The following PRR16 variants were observed in gnomAD, a reference collection of about 807,000 sequenced individuals.
PRR16 encodes the protein protein Largen.
A neutral mutation model predicts 18.2 loss-of-function variants in PRR16; 6 were observed. The ratio of observed to expected loss-of-function variants is 0.33; its 90% CI spans 0.18 to 0.65. The LOEUF is 0.65. Among genes scored for constraint, PRR16 ranks in the 30% least tolerant of loss-of-function variants. PRR16 has a pLI of 0.74. For synonymous variants in PRR16, 151 were observed against 147.8 expected (o/e 1.02, Z -0.16); for missense variants, 412 against 376.6 (o/e 1.09, Z -0.78).
At chr5:120,735,953 G>T in the PRR16 span, among the ~76,000 whole-genome samples, 1 of 152,064 alleles carries the variant, frequency 6.6e-6, no homozygotes, top group African/African-American at 2.4e-5. Flanking sequence ...CCAGTTTTAG[G>T]CCTTATATAT....
chr5:120,603,003 A>C (rs1005456286), intron 1 of PRR16, among the ~76,000 whole-genome samples: 6 of 152,060 alleles, frequency 3.9e-5, no homozygotes, highest in African/African-American at 1.4e-4. Context: ...TATGTTCATT[A>C]GGAATATTGG....
At chr5:120,517,087 A>T (rs1233860357) in intron 1 of PRR16, among the ~76,000 whole-genome samples, 1 of 152,192 alleles carries the variant, frequency 6.6e-6, no homozygotes, top group East Asian at 1.9e-4. Context: ...GCTAGCAAAA[A>T]AATCTTTGGC....
the PRR16 span, among the ~76,000 whole-genome samples, chr5:120,701,859 A>G: frequency 1.3e-5 from 2 of 152,166 alleles, no homozygotes; most frequent in Non-Finnish European, 2.9e-5. Context: ...ATTTCATGAC[A>G]AGAATTATTT....
At chr5:120,617,602 A>G (rs1754557581) in intron 1 of PRR16, among the ~76,000 whole-genome samples, 2 of 152,280 alleles carry the variant, frequency 1.3e-5, no homozygotes, top group South Asian at 2.1e-4. Context: ...CACACTTTTT[A>G]TTAACAAAAT....
chr5:120,535,099 G>GTGTGT (rs773403875), intron 1 of PRR16, among the ~76,000 whole-genome samples: 6,774 of 151,928 alleles, frequency 0.045, 198 homozygotes, highest in Non-Finnish European at 0.066. Flanking sequence ...GTGTGTGTGT[G>GTGTGT]TGTGTAAAAG....
chr5:120,467,990 G>A (rs186583669), intron 1 of PRR16, among the ~76,000 whole-genome samples: 2 of 152,080 alleles, frequency 1.3e-5, no homozygotes, highest in Non-Finnish European at 2.9e-5. Flanking sequence ...AGCTCCAAAG[G>A]TTAGTTAGGG....
chr5:120,569,523 A>T (rs1752839138), intron 1 of PRR16, among the ~76,000 whole-genome samples: 1 of 152,166 alleles, frequency 6.6e-6, no homozygotes, highest in Non-Finnish European at 1.5e-5. Context: ...CTTGGAAGAG[A>T]TAATGAAATA....
At chr5:120,551,137 G>A (rs1752242311) in intron 1 of PRR16, among the ~76,000 whole-genome samples, 14 of 151,870 alleles carry the variant, frequency 9.2e-5, no homozygotes, top group Admixed American at 7.9e-4. Flanking sequence ...GTGCATTAGG[G>A]TTCCAGAACT....
intron 1 of PRR16, among the ~76,000 whole-genome samples, chr5:120,513,740 A>G (rs1750901149): frequency 6.6e-6 from 1 of 151,608 alleles, no homozygotes; most frequent in Non-Finnish European, 1.5e-5. Context: ...AGACTTAAGA[A>G]CATAGAGATC....
chr5:120,592,853 A>G (rs1258779463), intron 1 of PRR16, among the ~76,000 whole-genome samples: 1 of 152,148 alleles, frequency 6.6e-6, no homozygotes, highest in African/African-American at 2.4e-5. Flanking sequence ...CTAAAAATAT[A>G]TTACTCTTTT....
At chr5:120,790,866 T>C in the PRR16 span, 1 of 152,026 alleles carries the variant, frequency 6.6e-6, no homozygotes, top group Admixed American at 6.6e-5. Context: ...AAATCAGTTA[T>C]CTAATAAAAA....
the PRR16 span, among the ~76,000 whole-genome samples, chr5:120,733,932 T>A: frequency 6.6e-6 from 1 of 152,226 alleles, no homozygotes; most frequent in East Asian, 1.9e-4. Context: ...AAGTTACATT[T>A]ATTTTATTTC....
intron 1 of PRR16, among the ~76,000 whole-genome samples, chr5:120,613,998 C>A (rs1007157363): frequency 6.6e-6 from 1 of 152,140 alleles, no homozygotes; most frequent in African/African-American, 2.4e-5. Flanking sequence ...TTGAACAGAG[C>A]TTTCCTTAGT....
chr5:120,577,450 C>T (rs985652673), intron 1 of PRR16, among the ~76,000 whole-genome samples: 5 of 151,282 alleles, frequency 3.3e-5, no homozygotes, highest in African/African-American at 1.2e-4. Context: ...TTGAGGAAAC[C>T]AAATAGGGGC....
At chr5:120,635,537 A>T (rs1177738389) in intron 1 of PRR16, among the ~76,000 whole-genome samples, 1 of 152,196 alleles carries the variant, frequency 6.6e-6, no homozygotes, top group Non-Finnish European at 1.5e-5. Context: ...ATCTCAGTAG[A>T]TGTATTAAAA....
chr5:120,569,460 A>G (rs1030431940), intron 1 of PRR16, among the ~76,000 whole-genome samples: 1 of 152,164 alleles, frequency 6.6e-6, no homozygotes, highest in Non-Finnish European at 1.5e-5. Context: ...GAATTTGGCT[A>G]CCACATGTAA....
rs553327303 is a variant in PRR16, at chr5:120,544,243, G to T, written c.159+79598G>T. Among the ~76,000 whole-genome samples the T allele has an allele frequency of 3.9e-5, 6 of 152,258 alleles. 1 individual carries two copies. In the South Asian group the frequency reaches 1.2e-3, roughly 32 times the overall value. On this transcript the variant is annotated intron_variant, in intron 1 of 1. Transcript: ENST00000407149. The stretch of plus-strand genomic sequence containing the variant: ...GCTAGGGACTGTAGCCCAGAGGAAT[G>T]CCAGATCTTCTGACCTTTCAAAGGA...
intron 1 of PRR16, among the ~76,000 whole-genome samples, chr5:120,524,792 A>G (rs1415981673): frequency 6.6e-6 from 1 of 152,100 alleles, no homozygotes; most frequent in Non-Finnish European, 1.5e-5. Context: ...TATCTTATAT[A>G]CCCTATAAAT....
chr5:120,645,800 C>T (rs1200917788), intron 1 of PRR16, among the ~76,000 whole-genome samples: 1 of 151,676 alleles, frequency 6.6e-6, no homozygotes, highest in Non-Finnish European at 1.5e-5. Context: ...AATTTATCTG[C>T]AGCACTTCCA....
Sources: gnomAD v4.1 joint callset for allele counts (sites outside exome capture counted in the v4.1 genomes callset) on GRCh38, gnomAD v4.1.1 for gene constraint, MANE v1.5 for transcripts, NCBI Gene and HGNC (gene_info 2026-07-23, HGNC 2026-07-21) for gene names.